Variants in PARD3B observed in about 807,000 individuals in gnomAD.
PARD3B encodes par-3 family cell polarity regulator beta, also known as partitioning defective 3 homolog B.
Under a neutral mutation model 130.2 loss-of-function variants are expected in PARD3B, and 103 were observed. That is an observed-to-expected ratio of 0.79 (90% CI 0.67 to 0.93). The LOEUF (loss-of-function observed/expected upper bound fraction) is 0.93, where lower values mean the gene tolerates loss of function less well. Among genes scored for constraint, PARD3B ranks in the 40% least tolerant of loss-of-function variants. The pLI is 0.00. For missense variants in PARD3B, 1,609 were observed against 1,499.2 expected (o/e 1.07, Z -1.21); for synonymous variants, 583 against 553.2 (o/e 1.05, Z -0.76).
rs753807630 is a variant in PARD3B at position 204,943,718 on chromosome 2, C to T, written c.223-21434C>T. ...CATAAGAAAGGCTGGTTTTGGCAAG[C>T]AGAGGACAAATCCATCCTCTCTTCC... On this transcript the variant is annotated intron_variant, in intron 2 of 22. Coordinates refer to ENST00000406610, the MANE Select transcript of PARD3B (RefSeq NM_001302769.2). This position sits in a 1 kb window ranked among gnomAD's most constrained non-coding sequence, Gnocchi z 4.2. 3.9e-5 allele frequency among the ~76,000 whole-genome samples: 6 copies of T among 152,150 alleles called. No individual in the cohort carries two copies. Among genetic ancestry groups the T allele is most frequent in the Non-Finnish European group, 5.9e-5 (4 of 68,026 alleles).
chr2:204,749,681 C>G (rs2040385274), intron 2 of PARD3B, among the ~76,000 whole-genome samples: 2 of 152,110 alleles, frequency 1.3e-5, no homozygotes, highest in African/African-American at 4.8e-5. Context: ...CTAACCTGAA[C>G]AACTCTGAGA....
At position 205,047,662 on chromosome 2, in the gene PARD3B, G is replaced by C. The variant is rs1032641046; in HGVS notation, c.476G>C (p.Gly159Ala). 5 of 1,550,456 alleles carry C rather than the reference G, an allele frequency of 3.2e-6. No individual in the cohort carries two copies. In the East Asian group the frequency reaches 9.8e-5, roughly 30 times the overall value. Residue 159 changes from glycine to alanine, a missense_variant, in exon 4 of 23, where the codon GGT becomes GCT. Physicochemically the swap from Gly to Ala is moderately conservative, Grantham distance 60. Transcript: ENST00000406610. ...ACCCAGCCAAGCGCTTCACACCCTGGTGGCCAGAGTCTGAAACTGGTTGTT... is the reference window on the plus strand; with the variant it reads ...ACCCAGCCAAGCGCTTCACACCCTGCTGGCCAGAGTCTGAAACTGGTTGTT... ...ADTQPSASHP[G>A]GQSLKLVVPD...
At chr2:205,477,477 A>G (rs1405939731) in intron 20 of PARD3B, among the ~76,000 whole-genome samples, 7 of 152,150 alleles carry the variant, frequency 4.6e-5, no homozygotes, top group Non-Finnish European at 8.8e-5. Flanking sequence ...ATATGTCTAA[A>G]TGTCTCCTGT....
At chr2:204,998,442 G>GTA (rs1255807101) in intron 3 of PARD3B, among the ~76,000 whole-genome samples, 2 of 78,224 alleles carry the variant, frequency 2.6e-5, no homozygotes, top group Admixed American at 3.6e-4. Flanking sequence ...ATATGTGTGT[G>GTA]TATATATATG....
Position 205,015,382 on chromosome 2 carries a change from T to C in PARD3B, c.395-32199T>C, listed in dbSNP as rs13407688. Among the ~76,000 whole-genome samples the C allele has an allele frequency of 0.018, 2,680 of 152,212 alleles. 39 individuals carry two copies. Among genetic ancestry groups the C allele is most frequent in the African/African-American group, 0.04 (1,677 of 41,528 alleles). On this transcript the variant is annotated intron_variant, in intron 3 of 22. Coordinates refer to ENST00000406610, the MANE Select transcript of PARD3B (RefSeq NM_001302769.2). The surrounding 1 kb of genome is among the most constrained non-coding windows in gnomAD (Gnocchi z 4.5). ...GGTGGCAGAGGTGAAAGAAAATCCA[T>C]GTATAAGTGAACCTGCGCAGCTCGA...
At chr2:204,753,294 T>C (rs892893834) in intron 2 of PARD3B, among the ~76,000 whole-genome samples, 21 of 152,192 alleles carry the variant, frequency 1.4e-4, no homozygotes, top group African/African-American at 5.1e-4. Flanking sequence ...TTTAAAAATA[T>C]CTTCAGTTTT....
chr2:205,410,894 T>A (rs1169269750), intron 19 of PARD3B, among the ~76,000 whole-genome samples: 1 of 152,128 alleles, frequency 6.6e-6, no homozygotes, highest in Non-Finnish European at 1.5e-5. Flanking sequence ...TTCTCCCCCG[T>A]CACCACCCGG....
chr2:205,612,834 G>T (rs929973244), intron 22 of PARD3B, among the ~76,000 whole-genome samples: 43 of 152,160 alleles, frequency 2.8e-4, no homozygotes, highest in Non-Finnish European at 4.7e-4. Flanking sequence ...AAAGTATCTT[G>T]AGGTCTGCCC....
chr2:204,617,509 G>A (rs7595939), intron 1 of PARD3B, among the ~76,000 whole-genome samples: 107,449 of 152,078 alleles, frequency 0.71, 38,851 homozygotes, highest in Middle Eastern at 0.78. Context: ...CAACTAGCAT[G>A]AATGTACAAG....
intron 2 of PARD3B, among the ~76,000 whole-genome samples, chr2:204,950,643 G>T (rs1169275002): frequency 6.6e-6 from 1 of 152,060 alleles, no homozygotes; most frequent in East Asian, 1.9e-4. Context: ...AAAATAACTT[G>T]TTTTTCAGTT....
chr2:204,639,218 C>G (rs1339291721), intron 1 of PARD3B, among the ~76,000 whole-genome samples: 1 of 152,140 alleles, frequency 6.6e-6, no homozygotes, highest in Non-Finnish European at 1.5e-5. Flanking sequence ...AAGTCTAATT[C>G]ATATAAGCAT....
intron 20 of PARD3B, among the ~76,000 whole-genome samples, chr2:205,478,241 G>A (rs1455941744): frequency 2.0e-5 from 3 of 152,194 alleles, no homozygotes; most frequent in Non-Finnish European, 4.4e-5. Context: ...GGAGGCAATG[G>A]GTGGTCACTA....
chr2:205,118,608 C>T (rs757956246), intron 6 of PARD3B, among the ~76,000 whole-genome samples: 2 of 152,178 alleles, frequency 1.3e-5, no homozygotes, highest in Non-Finnish European at 2.9e-5. Context: ...GGTGTGATGC[C>T]CTTCTCCAAA....
chr2:205,198,464 A>C lies in PARD3B; in HGVS notation c.2140+5144A>C, dbSNP rs1322752514. The stretch of plus-strand genomic sequence containing the variant: ...TAAATAGGTTGGCTGACTTCCTTTC[A>C]AGATTAGTGATTCACCAGTTTTATT... On this transcript the variant is annotated intron_variant, in intron 15 of 22. Coordinates refer to ENST00000406610, the MANE Select transcript of PARD3B (RefSeq NM_001302769.2). Among the ~76,000 whole-genome samples the C allele has an allele frequency of 2.0e-5, 3 of 152,228 alleles. No homozygotes were observed. The East Asian group carries it at 5.8e-4, about 29-fold the overall frequency.
At chr2:205,041,965 A>T (rs115656927) in intron 3 of PARD3B, among the ~76,000 whole-genome samples, 1 of 152,086 alleles carries the variant, frequency 6.6e-6, no homozygotes, top group African/African-American at 2.4e-5. Flanking sequence ...CATCCCAAAC[A>T]TATCCTCCAA....
intron 2 of PARD3B, among the ~76,000 whole-genome samples, chr2:204,716,736 C>T (rs551611725): frequency 1.3e-5 from 2 of 151,556 alleles, no homozygotes; most frequent in African/African-American, 2.4e-5. Flanking sequence ...CATTCTCCTG[C>T]CTCATCCTCC....
chr2:205,450,848 A>G (rs2106194533), intron 20 of PARD3B, among the ~76,000 whole-genome samples: 1 of 152,300 alleles, frequency 6.6e-6, no homozygotes, highest in East Asian at 1.9e-4. Flanking sequence ...ACACTGAGCT[A>G]CTTTGGCAAT....
rs73053164 is a variant in PARD3B at position 204,921,330 on chromosome 2, G to A, written c.223-43822G>A. ...CATACACTCTATCAAATGCATGAAAGTAGCTAACAATCTAGAGAAATCTGT... is the reference window on the plus strand; with the variant it reads ...CATACACTCTATCAAATGCATGAAAATAGCTAACAATCTAGAGAAATCTGT... On this transcript the variant is annotated intron_variant, in intron 2 of 22. Coordinates refer to ENST00000406610, the MANE Select transcript of PARD3B (RefSeq NM_001302769.2). 9.5e-3 allele frequency among the ~76,000 whole-genome samples: 1,439 copies of A among 152,266 alleles called. 21 individuals are homozygous for A. Among genetic ancestry groups the A allele is most frequent in the African/African-American group, 0.032 (1,314 of 41,564 alleles).
intron 3 of PARD3B, among the ~76,000 whole-genome samples, chr2:205,008,099 C>T (rs1291656432): frequency 6.6e-6 from 1 of 151,676 alleles, no homozygotes; most frequent in Non-Finnish European, 1.5e-5. Flanking sequence ...AAGAGTGGTG[C>T]CTCTTTAAAC....
Sources: allele counts gnomAD v4.1 joint callset (sites outside exome capture counted in the v4.1 genomes callset), GRCh38; gene constraint gnomAD v4.1.1; non-coding constraint Gnocchi (gnomAD v3.1); transcripts MANE v1.5; gene names NCBI Gene and HGNC (gene_info 2026-07-23, HGNC 2026-07-21).